The following ZFR variants were observed in gnomAD, a reference collection of about 807,000 sequenced individuals.
ZFR encodes the protein zinc finger RNA binding protein, also known as zinc finger RNA-binding protein.
A neutral mutation model predicts 130.7 loss-of-function variants in ZFR; 19 were observed. That is an observed-to-expected ratio of 0.15 (90% CI 0.10 to 0.21). The LOEUF is 0.21. Ranked by LOEUF, ZFR falls within the 10% of genes least tolerant of loss-of-function variation. The pLI, the probability that ZFR is intolerant of heterozygous loss-of-function variation, is 1.00. For missense variants in ZFR, 872 were observed against 1,321.5 expected (o/e 0.66, Z 5.27); for synonymous variants, 466 against 456.9 (o/e 1.02, Z -0.25).
chr5:32,381,917 C>T (rs1752944110), intron 15 of ZFR, among the ~76,000 whole-genome samples: 1 of 152,032 alleles, frequency 6.6e-6, no homozygotes, highest in African/African-American at 2.4e-5. Context: ...ACTATTGAAC[C>T]TAGAAATAAC....
intron 19 of ZFR, among the ~76,000 whole-genome samples, chr5:32,359,412 T>G (rs1752382192): frequency 6.6e-6 from 1 of 152,150 alleles, no homozygotes; most frequent in African/African-American, 2.4e-5. Context: ...GCCAAAAGAC[T>G]GGATACCCCT....
At chr5:32,394,991 G>GT (rs1753268593) in intron 11 of ZFR, among the ~76,000 whole-genome samples, 168 bp downstream of exon 11, 1 of 152,168 alleles carries the variant, frequency 6.6e-6, no homozygotes, top group African/African-American at 2.4e-5. Flanking sequence ...AGTATAGCCA[G>GT]TAACAATTTT....
chr5:32,378,292 C>A (rs1344695870), intron 17 of ZFR, among the ~76,000 whole-genome samples: 1 of 152,020 alleles, frequency 6.6e-6, no homozygotes, highest in Admixed American at 6.6e-5. Flanking sequence ...ACGGCATGTC[C>A]ATAGAAAGAA....
intron 9 of ZFR, among the ~76,000 whole-genome samples, chr5:32,398,472 T>C (rs1261626268): frequency 5.3e-5 from 8 of 152,206 alleles, no homozygotes; most frequent in African/African-American, 9.6e-5. Context: ...AGCTTTAAGA[T>C]AGGTTCTGAA....
In ZFR at chr5:32,444,613, T is replaced by C. The variant is rs1412964166; in HGVS notation, c.37+9A>G. ...CGGGCAGAGGCCTCGCGGGCCACATTAGACTCACCATAGGTGAAAGAAACT... is the reference window on the plus strand; with the variant it reads ...CGGGCAGAGGCCTCGCGGGCCACATCAGACTCACCATAGGTGAAAGAAACT... On this transcript the variant is annotated intron_variant, in intron 1 of 19. Transcript: ENST00000265069. The C allele has an allele frequency of 2.7e-6, 4 of 1,495,244 alleles. No homozygotes were observed. Among genetic ancestry groups the C allele is most frequent in the Non-Finnish European group, 2.7e-6 (3 of 1,123,650 alleles). 92.6% of individuals were successfully genotyped at this position (1,495,244 alleles called of 1,614,324 possible).
At chr5:32,416,856 G>A (rs1420009245) in intron 4 of ZFR, among the ~76,000 whole-genome samples, 3 of 151,056 alleles carry the variant, frequency 2.0e-5, no homozygotes, top group Non-Finnish European at 4.4e-5. Context: ...ACAATCCAAC[G>A]CTCTACCCAC....
chr5:32,392,672 C>T (rs1294043522), intron 11 of ZFR, among the ~76,000 whole-genome samples: 2 of 152,156 alleles, frequency 1.3e-5, no homozygotes, highest in African/African-American at 4.8e-5. Context: ...CCCGGAGACC[C>T]TTTCAGGAGA....
Position 32,397,341 on chromosome 5 carries a change from T to C in ZFR, c.1714-3A>G, listed in dbSNP as rs1753336555. 3 of 1,606,356 alleles carry C rather than the reference T, an allele frequency of 1.9e-6. No homozygotes were observed. The highest frequency in any genetic ancestry group is 1.3e-5 in the African/African-American group (1 of 74,416). ...ACTTTTCCTTCATCATTTCGTACCT[T>C]GGTGTGGAAAAAAAATTCAAGAATC... On this transcript the variant is annotated splice_region_variant and splice_polypyrimidine_tract_variant and intron_variant, in intron 9 of 19. Transcript: ENST00000265069.
At chr5:32,358,633 GAAAA>G (rs958176157) in intron 19 of ZFR, among the ~76,000 whole-genome samples, 15 of 136,486 alleles carry the variant, frequency 1.1e-4, no homozygotes. Context: ...CCGTCTCAAA[GAAAA>G]AAAAAAATTT....
intron 2 of ZFR, among the ~76,000 whole-genome samples, chr5:32,436,606 G>C (rs937419774): frequency 6.6e-6 from 1 of 152,132 alleles, no homozygotes; most frequent in Non-Finnish European, 1.5e-5. Context: ...ATATATGCCA[G>C]ATACTGTTCT....
chr5:32,439,826 A>T (rs1409690744), intron 2 of ZFR, among the ~76,000 whole-genome samples: 2 of 150,938 alleles, frequency 1.3e-5, no homozygotes, highest in East Asian at 3.9e-4. Flanking sequence ...AAAAAAAAAA[A>T]AAGCCTCAAA....
intron 2 of ZFR, among the ~76,000 whole-genome samples, chr5:32,429,130 A>T (rs595092): frequency 7.2e-4 from 109 of 151,730 alleles, no homozygotes; most frequent in Non-Finnish European, 1.3e-3. Context: ...GGACTACAGG[A>T]GCCCGCCACC....
Position 32,385,536 on chromosome 5 carries a change from A to G in ZFR, c.2613T>C (p.Ile871=), listed in dbSNP as rs1176944848. Residue 871 remains isoleucine, a synonymous_variant, in exon 15 of 20, where the codon ATT becomes ATC. Transcript: ENST00000265069. ...MQVTITLTSP[I]IREENMREGD... ...CTTCCCTCATGTTCTCTTCTCGAAT[A>G]ATTGGAGATGTCAGTGTGATAGTGA... 1 of 1,613,394 alleles carries G rather than the reference A, an allele frequency of 6.2e-7. No individual in the cohort carries two copies. Among genetic ancestry groups the G allele is most frequent in the Admixed American group, 1.7e-5 (1 of 60,012 alleles).
chr5:32,391,047 T>C (rs1581692585), intron 11 of ZFR, among the ~76,000 whole-genome samples: 1 of 152,212 alleles, frequency 6.6e-6, no homozygotes, highest in African/African-American at 2.4e-5. Context: ...CAGTTACCTA[T>C]GGTCAACCAC....
intron 2 of ZFR, among the ~76,000 whole-genome samples, chr5:32,442,213 A>G (rs1284432439): frequency 2.0e-5 from 3 of 152,240 alleles, no homozygotes; most frequent in Non-Finnish European, 1.5e-5. Flanking sequence ...AAACCTGAGT[A>G]AAACAAGTAA....
chr5:32,398,098 C>T (rs1445376469), intron 9 of ZFR, among the ~76,000 whole-genome samples: 3 of 151,784 alleles, frequency 2.0e-5, no homozygotes, highest in Middle Eastern at 3.4e-3. Flanking sequence ...CCTCGTGATC[C>T]GCCCGCCTCG....
chr5:32,387,467 G>T, intron 14 of ZFR, 82 bp downstream of exon 14: 2 of 1,536,192 alleles, frequency 1.3e-6, no homozygotes, highest in South Asian at 1.2e-5. Context: ...GCTGGCTTAG[G>T]TTTAAACCGA....
chr5:32,396,911 G>A (rs1448334915), intron 10 of ZFR, among the ~76,000 whole-genome samples: 1 of 152,200 alleles, frequency 6.6e-6, no homozygotes, highest in Non-Finnish European at 1.5e-5. Context: ...TGGATAAATA[G>A]TTGAGACTTT....
intron 4 of ZFR, 138 bp downstream of exon 4, chr5:32,417,507 TTAG>T: frequency 1.1e-6 from 1 of 947,024 alleles, no homozygotes; most frequent in Non-Finnish European, 1.6e-6. Context: ...TCCAAGGCAT[TTAG>T]TAGGACAGGT....
Sources: gnomAD v4.1 joint callset for allele counts (sites outside exome capture counted in the v4.1 genomes callset) on GRCh38, gnomAD v4.1.1 for gene constraint, MANE v1.5 for transcripts, NCBI Gene and HGNC (gene_info 2026-07-23, HGNC 2026-07-21) for gene names.